The following PHF21B variants were observed in gnomAD, a reference collection of about 807,000 sequenced individuals.
The protein encoded by PHF21B is PHD finger protein 4.
PHF21B carries 22 observed loss-of-function variants against 62.2 expected under a neutral mutation model. The observed-to-expected ratio is 0.35, with a 90% CI of 0.25 to 0.51. PHF21B has a LOEUF of 0.51. Ranked by LOEUF, PHF21B falls within the 20% of genes least tolerant of loss-of-function variation. The pLI is 0.97. For missense variants in PHF21B, 701 were observed against 707.9 expected (o/e 0.99, Z 0.11); for synonymous variants, 341 against 314.7 (o/e 1.08, Z -0.88).
Position 44,921,579 on chromosome 22 carries a change from A to AT in PHF21B, c.121-1090dup, listed in dbSNP as rs574793549. 2.8e-4 allele frequency among the ~76,000 whole-genome samples: 42 copies of AT among 149,502 alleles called. No individual in the cohort carries two copies. The South Asian group carries it at 8.7e-3, about 31-fold the overall frequency. On this transcript the variant is annotated intron_variant, in intron 2 of 12. Coordinates refer to ENST00000313237, the MANE Select transcript of PHF21B (RefSeq NM_138415.5). ...ACGGGGTTTCACCGTGTTAGCCAGG[A>AT]TGGTCTCAATCTCCTGACCTCATGA...
intron 7 of PHF21B, among the ~76,000 whole-genome samples, chr22:44,892,213 T>G (rs1423579078): frequency 5.9e-5 from 9 of 152,248 alleles, no homozygotes; most frequent in Admixed American, 5.2e-4. Flanking sequence ...ACCTCCACGA[T>G]GTTCTTACGA....
chr22:44,987,680 C>T (rs575575432), intron 2 of PHF21B, among the ~76,000 whole-genome samples: 64 of 152,008 alleles, frequency 4.2e-4, no homozygotes, highest in Middle Eastern at 3.4e-3. Context: ...CCCAGCTGTT[C>T]CTCATGGTGA....
At chr22:44,937,476 G>A (rs187483748) in intron 2 of PHF21B, among the ~76,000 whole-genome samples, 3 of 152,336 alleles carry the variant, frequency 2.0e-5, no homozygotes, top group African/African-American at 7.2e-5. Context: ...ACAAACCACT[G>A]CAGGAGTGGG....
chr22:44,931,401 G>A (rs1463572590), intron 2 of PHF21B, among the ~76,000 whole-genome samples: 1 of 152,176 alleles, frequency 6.6e-6, no homozygotes, highest in Non-Finnish European at 1.5e-5. Flanking sequence ...GGCCGGCCGA[G>A]GCAGGCTGCC....
chr22:44,990,704 T>A (rs1417028186), intron 2 of PHF21B, among the ~76,000 whole-genome samples: 1 of 152,212 alleles, frequency 6.6e-6, no homozygotes, highest in African/African-American at 2.4e-5. Flanking sequence ...GTTTCATGGG[T>A]ACCAAGTTGC....
chr22:45,001,483 G>A (rs1219155262), intron 2 of PHF21B, among the ~76,000 whole-genome samples: 1 of 152,112 alleles, frequency 6.6e-6, no homozygotes, highest in Non-Finnish European at 1.5e-5. Flanking sequence ...GAGCCTGGTG[G>A]CCAGACATCT....
intron 2 of PHF21B, among the ~76,000 whole-genome samples, chr22:44,962,571 C>T (rs1334834276): frequency 2.6e-5 from 4 of 152,314 alleles, no homozygotes; most frequent in African/African-American, 9.6e-5. Flanking sequence ...TGCTTTTGCA[C>T]CATGATAGAG....
intron 2 of PHF21B, among the ~76,000 whole-genome samples, chr22:44,962,781 C>T (rs549966205): frequency 7.9e-5 from 12 of 152,050 alleles, no homozygotes; most frequent in African/African-American, 1.9e-4. Flanking sequence ...CCTCACGGAA[C>T]GGTGGGGGAT....
At chr22:44,917,285 C>G (rs1483649516) in intron 3 of PHF21B, among the ~76,000 whole-genome samples, 8 of 152,186 alleles carry the variant, frequency 5.3e-5, no homozygotes, top group African/African-American at 1.7e-4. Context: ...GGCCAGGTCC[C>G]TCATCTGCAT....
chr22:44,908,805 T>C (rs1192653990), intron 5 of PHF21B, among the ~76,000 whole-genome samples: 2 of 152,226 alleles, frequency 1.3e-5, no homozygotes, highest in South Asian at 2.1e-4. Context: ...TATGTGTGTA[T>C]GTATGTACAT....
intron 2 of PHF21B, among the ~76,000 whole-genome samples, chr22:44,993,335 G>A (rs188038492): frequency 1.2e-4 from 19 of 152,260 alleles, no homozygotes; most frequent in South Asian, 2.1e-4. Context: ...TGTCCCCTCC[G>A]GTAAAAGGGG....
rs1393287197 is a variant in PHF21B at position 44,881,423 on chromosome 22, G to A, written c.*1663C>T. 1 of 152,658 alleles carries A rather than the reference G, an allele frequency of 6.6e-6. No homozygotes were observed. The highest frequency in any genetic ancestry group is 2.4e-5 in the African/African-American group (1 of 41,440). The allele number at this position is 152,658 out of a possible 1,614,324, so 9.5% of individuals were successfully genotyped here. On this transcript the variant is annotated 3_prime_UTR_variant, in exon 13 of 13. Transcript: ENST00000313237. ...AACAGAAAAGGAAGCTGAAGACATGGACATCGCAAGCCACGCGGTAATGCA... is the reference window on the plus strand; with the variant it reads ...AACAGAAAAGGAAGCTGAAGACATGAACATCGCAAGCCACGCGGTAATGCA...
intron 2 of PHF21B, among the ~76,000 whole-genome samples, chr22:44,934,992 T>G (rs2071816066): frequency 6.6e-6 from 1 of 152,180 alleles, no homozygotes; most frequent in Non-Finnish European, 1.5e-5. Flanking sequence ...GGACAGTCCC[T>G]GCTCTGCTCC....
At position 45,009,506 on chromosome 22, in the gene PHF21B, G is replaced by T. The variant is rs747416490; in HGVS notation, c.44C>A (p.Ala15Glu). ...SRPEALAVEL[A>E]RHQNGDLKKQ... ...CCCCCGGCCACCTACCTGGTGGCGC[G>T]CGAGTTCCACGGCGAGCGCCTCGGG... The change falls in exon 1 of 13, where the codon GCG (alanine) becomes GAG (glutamate). Residue 15 changes from alanine (A) to glutamate (E), a missense_variant. Coordinates refer to ENST00000313237, the MANE Select transcript of PHF21B (RefSeq NM_138415.5). The surrounding 1 kb of genome is among the most constrained non-coding windows in gnomAD (Gnocchi z 5.9). 2 of 1,557,546 alleles carry T rather than the reference G, an allele frequency of 1.3e-6. No individual in the cohort carries two copies. Among genetic ancestry groups the T allele is most frequent in the East Asian group, 2.4e-5 (1 of 42,222 alleles).
chr22:44,947,320 C>T lies in PHF21B; in HGVS notation c.121-26830G>A, dbSNP rs528761956. Among the ~76,000 whole-genome samples the T allele has an allele frequency of 1.9e-4, 29 of 152,344 alleles. No homozygotes were observed. In the South Asian group the frequency reaches 6.0e-3, roughly 32 times the overall value. On this transcript the variant is annotated intron_variant, in intron 2 of 12. Coordinates refer to ENST00000313237, the MANE Select transcript of PHF21B (RefSeq NM_138415.5). ...TTCATGATCTCATTTAAAATGATCT[C>T]GCAAGGCAGGGCTCTGCTGCCTTTG...
intron 3 of PHF21B, among the ~76,000 whole-genome samples, chr22:44,918,561 A>G (rs2071480408): frequency 6.6e-6 from 1 of 152,106 alleles, no homozygotes; most frequent in South Asian, 2.1e-4. Context: ...CCTTTCTCAG[A>G]TCTGCAGTCA....
chr22:44,916,233 T>C (rs2239793), intron 4 of PHF21B, 47 bp downstream of exon 4: 179,095 of 1,555,004 alleles, frequency 0.12, 12,451 homozygotes, highest in African/African-American at 0.3. Flanking sequence ...CTCGGCCTCC[T>C]GTATGCGGCC....
intron 2 of PHF21B, among the ~76,000 whole-genome samples, chr22:44,951,748 C>A (rs2072198897): frequency 6.6e-6 from 1 of 152,222 alleles, no homozygotes; most frequent in Non-Finnish European, 1.5e-5. Context: ...ATGCTGAACA[C>A]CTTTTTTTTG....
intron 2 of PHF21B, among the ~76,000 whole-genome samples, chr22:44,976,183 T>G (rs1431041745): frequency 6.6e-6 from 1 of 152,228 alleles, no homozygotes; most frequent in Non-Finnish European, 1.5e-5. Context: ...GAAAACATTT[T>G]GTTTTTAATT....
Sources: gnomAD v4.1 joint callset for allele counts (sites outside exome capture counted in the v4.1 genomes callset) on GRCh38, gnomAD v4.1.1 for gene constraint, Gnocchi (gnomAD v3.1) non-coding constraint, MANE v1.5 for transcripts, NCBI Gene and HGNC (gene_info 2026-07-23, HGNC 2026-07-21) for gene names.